The following GRIK1 variants were observed in gnomAD, a reference collection of about 807,000 sequenced individuals.
The protein encoded by GRIK1 is glutamate ionotropic receptor kainate type subunit 1, also known as glutamate receptor ionotropic, kainate 1.
A neutral mutation model predicts 105.7 loss-of-function variants in GRIK1; 69 were observed. The observed-to-expected ratio is 0.65, with a 90% CI of 0.54 to 0.80. The LOEUF (loss-of-function observed/expected upper bound fraction) is 0.80, where lower values mean the gene tolerates loss of function less well. GRIK1 is among the 30% of genes least tolerant of loss of function. GRIK1 has a pLI of 0.00. For missense variants in GRIK1, 1,109 were observed against 1,167.3 expected (o/e 0.95, Z 0.73); for synonymous variants, 438 against 431.3 (o/e 1.02, Z -0.19).
At chr21:29,562,435 A>T (rs2090503550) in intron 14 of GRIK1, among the ~76,000 whole-genome samples, 1 of 152,228 alleles carries the variant, frequency 6.6e-6, no homozygotes, top group Non-Finnish European at 1.5e-5. Flanking sequence ...TGGGCAGATC[A>T]CATAAAGGTT....
chr21:29,667,455 A>G lies in GRIK1; in HGVS notation c.726+5528T>C, dbSNP rs112507604. ...TTAATTGAAAGAGATTTAAAAAAAAAGTGGGTTGGGGGTGGAGAAAAAAGC... is the reference window on the plus strand; with the variant it reads ...TTAATTGAAAGAGATTTAAAAAAAAGGTGGGTTGGGGGTGGAGAAAAAAGC... On this transcript the variant is annotated intron_variant, in intron 4 of 17. Transcript: ENST00000327783. Among the ~76,000 whole-genome samples, 761 of 152,250 alleles carry G rather than the reference A, an allele frequency of 5.0e-3. 2 individuals carry two copies. Among genetic ancestry groups the G allele is most frequent in the African/African-American group, 0.017 (724 of 41,542 alleles).
At position 29,830,307 on chromosome 21, in the gene GRIK1, C is replaced by CCACAAA. The variant is rs1216573368; in HGVS notation, c.118+109075_118+109076insTTTGTG. Among the ~76,000 whole-genome samples the CCACAAA allele has an allele frequency of 1.5e-4, 4 of 26,628 alleles. 1 individual carries two copies. In the Admixed American group the frequency reaches 2.1e-3, roughly 14 times the overall value. The allele number at this position is 26,628 out of a possible 152,430, so 17.5% of individuals were successfully genotyped here. On this transcript the variant is annotated intron_variant, in intron 1 of 17. Coordinates refer to ENST00000327783, the MANE Select transcript of GRIK1 (RefSeq NM_001330994.2). ...ATTAGATACACACCCACCCACCTCCCCACACACACACACACACACACACAC... is the reference window on the plus strand; with the variant it reads ...ATTAGATACACACCCACCCACCTCCCCACAAACACACACACACACACACACACACAC...
At chr21:29,724,023 C>G (rs2064389535) in intron 1 of GRIK1, among the ~76,000 whole-genome samples, 1 of 152,064 alleles carries the variant, frequency 6.6e-6, no homozygotes, top group Admixed American at 6.5e-5. Context: ...AATATTATGC[C>G]TAATTGGTTT....
At position 29,770,060 on chromosome 21, in the gene GRIK1, A is replaced by G. The variant is rs1051391285; in HGVS notation, c.119-75997T>C. 6.6e-5 allele frequency among the ~76,000 whole-genome samples: 10 copies of G among 152,208 alleles called. No individual in the cohort carries two copies. The South Asian group carries it at 8.3e-4, about 13-fold the overall frequency. On this transcript the variant is annotated intron_variant, in intron 1 of 17. Coordinates refer to ENST00000327783, the MANE Select transcript of GRIK1 (RefSeq NM_001330994.2). ...GATAAATTCCCACGAGTGCTATTCT[A>G]TAGTCCTTCCCTGATCTTCTGGATG...
chr21:29,938,787 C>T (rs1173926767), intron 1 of GRIK1, among the ~76,000 whole-genome samples: 1 of 152,122 alleles, frequency 6.6e-6, no homozygotes, highest in African/African-American at 2.4e-5. Flanking sequence ...AGCTCGAAGT[C>T]AGATCTGAAC....
chr21:29,867,341 T>A, intron 1 of GRIK1, among the ~76,000 whole-genome samples: 1 of 150,186 alleles, frequency 6.7e-6, no homozygotes, highest in South Asian at 2.1e-4. Context: ...TAGAACAAAG[T>A]GAAGAAAAAT....
intron 16 of GRIK1, among the ~76,000 whole-genome samples, chr21:29,550,938 G>T (rs921122017): frequency 6.6e-6 from 1 of 152,094 alleles, no homozygotes; most frequent in African/African-American, 2.4e-5. Flanking sequence ...GAAAATTGAG[G>T]CTTAGAAATT....
chr21:29,774,545 A>T (rs908839360), intron 1 of GRIK1, among the ~76,000 whole-genome samples: 1 of 144,576 alleles, frequency 6.9e-6, no homozygotes, highest in Non-Finnish European at 1.5e-5. Context: ...TCCACCTCCC[A>T]GGTTCAAGCT....
chr21:29,770,383 G>C (rs915878609), intron 1 of GRIK1, among the ~76,000 whole-genome samples: 1 of 152,172 alleles, frequency 6.6e-6, no homozygotes, highest in South Asian at 2.1e-4. Flanking sequence ...TAACATCAGC[G>C]TAACAAAGTG....
At chr21:29,690,029 A>G (rs754768666) in intron 2 of GRIK1, 44 bp from the exon 3 acceptor site, 1 of 1,460,368 alleles carries the variant, frequency 6.8e-7, no homozygotes, top group Non-Finnish European at 9.6e-7. Context: ...GAGGGCAGGG[A>G]AAGGGGGAGA....
intron 1 of GRIK1, among the ~76,000 whole-genome samples, chr21:29,857,396 A>T (rs1451628627): frequency 6.6e-6 from 1 of 152,238 alleles, no homozygotes; most frequent in Non-Finnish European, 1.5e-5. Flanking sequence ...GGAGTCAGTT[A>T]CATAGCTACA....
intron 14 of GRIK1, among the ~76,000 whole-genome samples, chr21:29,568,750 G>T (rs2090669282): frequency 1.3e-5 from 2 of 152,186 alleles, no homozygotes; most frequent in Non-Finnish European, 2.9e-5. Context: ...ACCACATGTT[G>T]TGTTGTATTT....
At chr21:29,633,332 C>A (rs1044152313) in intron 7 of GRIK1, among the ~76,000 whole-genome samples, 6 of 152,086 alleles carry the variant, frequency 3.9e-5, no homozygotes, top group Non-Finnish European at 8.8e-5. Context: ...AACCCCATCT[C>A]TATTAAAAAT....
chr21:29,683,433 A>G (rs1207609131), intron 3 of GRIK1, among the ~76,000 whole-genome samples: 1 of 152,262 alleles, frequency 6.6e-6, no homozygotes, highest in Non-Finnish European at 1.5e-5. Flanking sequence ...ACCACAGAAT[A>G]CTATGCAGCT....
chr21:29,938,767 T>C (rs141061579), intron 1 of GRIK1, among the ~76,000 whole-genome samples: 4 of 152,206 alleles, frequency 2.6e-5, no homozygotes, highest in East Asian at 1.9e-4. Flanking sequence ...TTCTCACTCT[T>C]CGAATCTTCA....
chr21:29,616,311 G>A (rs891734720), intron 7 of GRIK1, among the ~76,000 whole-genome samples: 2 of 152,048 alleles, frequency 1.3e-5, no homozygotes, highest in African/African-American at 4.8e-5. Flanking sequence ...AATACGTTTA[G>A]ATTTAAAAAA....
intron 1 of GRIK1, among the ~76,000 whole-genome samples, chr21:29,750,289 C>T (rs2065157801): frequency 7.3e-6 from 1 of 137,822 alleles, no homozygotes; most frequent in Non-Finnish European, 1.6e-5. Flanking sequence ...TCCTTCCTTG[C>T]TGTCTTGCTT....
Position 29,560,390 on chromosome 21 carries a change from TTCCTTC to T in GRIK1, c.2356+1228_2356+1233del, listed in dbSNP as rs1568814003. On this transcript the variant is annotated intron_variant, in intron 15 of 17. Transcript: ENST00000327783. ...CTTCCTTCCTTCCTTCCTTCCTTCC[TTCCTTC>T]CTTCCTTTCTTTCTTTCTTTCTTTC... is the stretch of plus-strand genomic sequence containing the variant. Among the ~76,000 whole-genome samples, 434 of 98,592 alleles carry T rather than the reference TTCCTTC, an allele frequency of 4.4e-3. 46 individuals are homozygous for T. The highest frequency in any genetic ancestry group is 5.8e-3 in the East Asian group (19 of 3,274). 64.7% of individuals were successfully genotyped at this position (98,592 alleles called of 152,430 possible).
chr21:29,546,334 C>G (rs538189295), intron 16 of GRIK1, among the ~76,000 whole-genome samples: 29 of 152,320 alleles, frequency 1.9e-4, no homozygotes, highest in African/African-American at 6.7e-4. Flanking sequence ...AGCTTCACTG[C>G]CTACACGCTG....
Sources: allele counts gnomAD v4.1 joint callset (sites outside exome capture counted in the v4.1 genomes callset), GRCh38; gene constraint gnomAD v4.1.1; transcripts MANE v1.5; gene names NCBI Gene and HGNC (gene_info 2026-07-23, HGNC 2026-07-21).